The following FAM163B variants were observed in gnomAD, a reference collection of about 807,000 sequenced individuals.
FAM163B encodes the protein family with sequence similarity 163 member B, also known as protein FAM163B.
A neutral mutation model predicts 7.6 loss-of-function variants in FAM163B; 4 were observed. That is an observed-to-expected ratio of 0.52 (90% CI 0.26 to 1.20). FAM163B has a LOEUF of 1.20. FAM163B is among the 50% of genes most tolerant of loss of function. The pLI is 0.14. For synonymous variants in FAM163B, 120 were observed against 111.6 expected (o/e 1.07, Z -0.47); for missense variants, 250 against 243.0 (o/e 1.03, Z -0.19).
At chr9:133,604,040 C>T (rs35383256) in intron 1 of FAM163B, among the ~76,000 whole-genome samples, 18,828 of 152,154 alleles carry the variant, frequency 0.12, 1,381 homozygotes, top group South Asian at 0.29. Flanking sequence ...TGGGGTTTCA[C>T]CATGTTGGCC....
intron 1 of FAM163B, among the ~76,000 whole-genome samples, chr9:133,591,177 C>T (rs1831546833): frequency 6.6e-6 from 1 of 152,244 alleles, no homozygotes; most frequent in Non-Finnish European, 1.5e-5. Context: ...CAGCTGGCCT[C>T]CTGGGGCCAG....
intron 1 of FAM163B, among the ~76,000 whole-genome samples, chr9:133,597,304 C>T (rs1831645785): frequency 6.6e-6 from 1 of 152,082 alleles, no homozygotes; most frequent in Non-Finnish European, 1.5e-5. Flanking sequence ...AAGAACCAAC[C>T]GAACTTCTAG....
chr9:133,597,666 AAAC>A (rs1285337967), intron 1 of FAM163B, among the ~76,000 whole-genome samples: 1 of 152,180 alleles, frequency 6.6e-6, no homozygotes, highest in Non-Finnish European at 1.5e-5. Context: ...AACAAGAAGA[AAAC>A]AACACCAGGG....
intron 1 of FAM163B, among the ~76,000 whole-genome samples, chr9:133,603,264 T>C (rs1407443040): frequency 6.6e-6 from 1 of 152,204 alleles, no homozygotes; most frequent in Non-Finnish European, 1.5e-5. Context: ...CCTCCTCCCC[T>C]ACTGCTGTGG....
chr9:133,594,458 C>T (rs1831601785), intron 1 of FAM163B, among the ~76,000 whole-genome samples: 1 of 152,192 alleles, frequency 6.6e-6, no homozygotes, highest in African/African-American at 2.4e-5. Context: ...TCCAGCTCTG[C>T]GTACTGAGAT....
chr9:133,585,930 T>A (rs1831430029), intron 1 of FAM163B: 1 of 152,210 alleles, frequency 6.6e-6, no homozygotes, highest in African/African-American at 2.4e-5. Flanking sequence ...CAGAGCGCCT[T>A]TTCTCCACAA....
chr9:133,580,228 C>T lies in FAM163B; in HGVS notation c.-5G>A. ...GACCACGGTCCCGGCTGTCATCCGCCCCCTTCTCCATCAACAGCCTGCAAC... is the reference window on the plus strand; with the variant it reads ...GACCACGGTCCCGGCTGTCATCCGCTCCCTTCTCCATCAACAGCCTGCAAC... On this transcript the variant is annotated 5_prime_UTR_variant, in exon 2 of 3. Transcript: ENST00000673969. 2 of 1,613,098 alleles carry T rather than the reference C, an allele frequency of 1.2e-6. No homozygotes were observed. Among genetic ancestry groups the T allele is most frequent in the Non-Finnish European group, 1.7e-6 (2 of 1,179,706 alleles).
chr9:133,603,500 A>G (rs1243410479), intron 1 of FAM163B, among the ~76,000 whole-genome samples: 1 of 152,248 alleles, frequency 6.6e-6, no homozygotes, highest in Non-Finnish European at 1.5e-5. Context: ...GCTAAAAGCC[A>G]ATGAGATGAC....
chr9:133,590,683 C>G (rs739445), intron 1 of FAM163B, among the ~76,000 whole-genome samples: 22,209 of 152,164 alleles, frequency 0.15, 1,843 homozygotes, highest in African/African-American at 0.19. Context: ...TGGGGACACG[C>G]CTGGAGTCCC....
chr9:133,587,705 G>T (rs1407312415), intron 1 of FAM163B, among the ~76,000 whole-genome samples: 1 of 152,144 alleles, frequency 6.6e-6, no homozygotes, highest in Non-Finnish European at 1.5e-5. Context: ...GCCTCCTGGA[G>T]ATGAGTGGCT....
At chr9:133,580,369 G>A (rs1187614771) in intron 1 of FAM163B, 123 bp from the exon 2 acceptor site, 1 of 748,120 alleles carries the variant, frequency 1.3e-6, no homozygotes, top group African/African-American at 1.7e-5. Context: ...GTGCCTGTGA[G>A]AGGCAGGGGC....
In FAM163B at chr9:133,578,969, T is replaced by TC; in HGVS notation, c.*52dup. 1 of 1,446,180 alleles carries TC rather than the reference T, an allele frequency of 6.9e-7. No individual in the cohort carries two copies. Among genetic ancestry groups the TC allele is most frequent in the East Asian group, 2.5e-5 (1 of 40,014 alleles). 89.6% of individuals were successfully genotyped at this position (1,446,180 alleles called of 1,614,324 possible). A position where few individuals can be genotyped will look rare whatever the true frequency, so the allele number is the denominator to read the frequency against. On this transcript the variant is annotated 3_prime_UTR_variant, in exon 3 of 3. Transcript: ENST00000673969. ...GGGCCAGGTGGGTGTGCCAAAGGAA[T>TC]CCCCCCATTGTCTCAGGACCTTCAA...
In FAM163B at chr9:133,578,980, T is replaced by G; in HGVS notation, c.*42A>C. On this transcript the variant is annotated 3_prime_UTR_variant, in exon 3 of 3. Transcript: ENST00000673969. ...GTGTGCCAAAGGAATCCCCCCATTGTCTCAGGACCTTCAAGGCCAGGATCC... is the reference window on the plus strand; with the variant it reads ...GTGTGCCAAAGGAATCCCCCCATTGGCTCAGGACCTTCAAGGCCAGGATCC... The G allele has an allele frequency of 6.8e-7, 1 of 1,462,514 alleles. No homozygotes were observed. The highest frequency in any genetic ancestry group is 9.0e-7 in the Non-Finnish European group (1 of 1,108,422). 90.6% of individuals were successfully genotyped at this position (1,462,514 alleles called of 1,614,324 possible).
At chr9:133,597,796 G>A (rs1291451457) in intron 1 of FAM163B, among the ~76,000 whole-genome samples, 3 of 152,080 alleles carry the variant, frequency 2.0e-5, no homozygotes, top group Admixed American at 2.0e-4. Context: ...CTCCTTGCTG[G>A]AGACAATGAG....
intron 1 of FAM163B, among the ~76,000 whole-genome samples, chr9:133,596,728 C>T (rs139332196): frequency 0.011 from 1,724 of 152,288 alleles, 50 homozygotes; most frequent in African/African-American, 0.04. Flanking sequence ...CCTGCTGCTC[C>T]GTGGGGGACC....
chr9:133,581,722 A>G (rs1831359350), intron 1 of FAM163B, among the ~76,000 whole-genome samples: 2 of 152,192 alleles, frequency 1.3e-5, no homozygotes, highest in East Asian at 3.8e-4. Flanking sequence ...CTCGCATGGC[A>G]TTGAACATGC....
chr9:133,585,214 C>G (rs942780580), intron 1 of FAM163B, among the ~76,000 whole-genome samples: 37 of 152,342 alleles, frequency 2.4e-4, no homozygotes, highest in African/African-American at 8.4e-4. Flanking sequence ...GAATGAATGG[C>G]GTGGAGCTGG....
Position 133,579,133 on chromosome 9 carries a change from G to A in FAM163B, c.390C>T (p.Asp130=), listed in dbSNP as rs1265692908. 1.1e-5 allele frequency: 18 copies of A among 1,609,160 alleles called. No individual in the cohort carries two copies. Among genetic ancestry groups the A allele is most frequent in the East Asian group, 4.5e-5 (2 of 44,874 alleles). Reference sequence around the variant, plus strand: ...CGAAGCCCCCCGGGGGCAGCTCCACGTCCTCCTGGCTCACGCTCTTGTAGA... The same window carrying A: ...CGAAGCCCCCCGGGGGCAGCTCCACATCCTCCTGGCTCACGCTCTTGTAGA... ...RVLYKSVSQE[D]VELPPGGFGG... The change falls in exon 3 of 3, where the codon GAC becomes GAT. Residue 130 remains aspartate, a synonymous_variant. Transcript: ENST00000673969.
chr9:133,580,135 A>G lies in FAM163B; in HGVS notation c.89T>C (p.Leu30Pro). The change falls in exon 2 of 3, where the codon CTC becomes CCC. Residue 30 changes from leucine (L) to proline (P), a missense_variant. Coordinates refer to ENST00000673969, the MANE Select transcript of FAM163B (RefSeq NM_001080515.3). ...TTCCCCGCCGCCCGGGAATACCTGG[A>G]GCCGGCAGTAGCACAGAACAGCGAT... ...CIIAVLCYCR[L>P]QYYCCKKDES... 2 of 1,611,614 alleles carry G rather than the reference A, an allele frequency of 1.2e-6. No homozygotes were observed. The highest frequency in any genetic ancestry group is 1.7e-6 in the Non-Finnish European group (2 of 1,179,842).
Sources: allele counts gnomAD v4.1 joint callset (sites outside exome capture counted in the v4.1 genomes callset), GRCh38; gene constraint gnomAD v4.1.1; transcripts MANE v1.5; gene names NCBI Gene and HGNC (gene_info 2026-07-23, HGNC 2026-07-21).